The following CRYL1 variants were observed in gnomAD, a reference collection of about 807,000 sequenced individuals.
CRYL1 encodes lambda-crystallin homolog.
Under a neutral mutation model 36.6 loss-of-function variants are expected in CRYL1, and 29 were observed. The observed-to-expected ratio is 0.79, with a 90% CI of 0.59 to 1.08. CRYL1 has a LOEUF of 1.08. CRYL1 is among the 50% of genes least tolerant of loss of function. CRYL1 has a pLI of 0.00. For synonymous variants in CRYL1, 152 were observed against 151.5 expected (o/e 1.00, Z -0.02); for missense variants, 411 against 407.9 (o/e 1.01, Z -0.06).
chr13:20,425,309 G>C lies in CRYL1; in HGVS notation c.633+6793C>G, dbSNP rs2031908949. Among the ~76,000 whole-genome samples, 1 of 152,222 alleles carries C rather than the reference G, an allele frequency of 6.6e-6. No individual in the cohort carries two copies. Among genetic ancestry groups the C allele is most frequent in the African/African-American group, 2.4e-5 (1 of 41,452 alleles). On this transcript the variant is annotated intron_variant, in intron 5 of 7. Transcript: ENST00000298248. This position sits in a 1 kb window ranked among gnomAD's most constrained non-coding sequence, Gnocchi z 4.4. ...GCCTGTGAAACGATGATGGAGCCCA[G>C]TTCTGCTCCTCCTTGGAGTGCCCGC...
At chr13:20,465,380 C>A (rs11839580) in intron 3 of CRYL1, among the ~76,000 whole-genome samples, 3,100 of 152,254 alleles carry the variant, frequency 0.02, 104 homozygotes, top group African/African-American at 0.07. Context: ...AAACAAATAA[C>A]AAACTTTAAG....
At chr13:20,432,547 G>C (rs1348665547) in intron 4 of CRYL1, among the ~76,000 whole-genome samples, 3 of 152,116 alleles carry the variant, frequency 2.0e-5, no homozygotes, top group African/African-American at 7.2e-5. Flanking sequence ...TGGAGGAACA[G>C]CTTGCTATCC....
At chr13:20,408,215 C>G (rs1365025255) in intron 6 of CRYL1, among the ~76,000 whole-genome samples, 1 of 152,154 alleles carries the variant, frequency 6.6e-6, no homozygotes, top group East Asian at 1.9e-4. Context: ...CCGGGCCCCT[C>G]ACCTCACCTC....
At chr13:20,513,145 G>C (rs2033943625) in intron 1 of CRYL1, among the ~76,000 whole-genome samples, 1 of 152,168 alleles carries the variant, frequency 6.6e-6, no homozygotes, top group African/African-American at 2.4e-5. Context: ...CCACCCAGGA[G>C]CTCCTGAGCC....
intron 3 of CRYL1, among the ~76,000 whole-genome samples, chr13:20,446,025 A>T (rs1368947165): frequency 1.3e-5 from 2 of 152,250 alleles, no homozygotes; most frequent in Non-Finnish European, 2.9e-5. Context: ...TTTAAAGCTA[A>T]GCACAGTATA....
chr13:20,473,893 A>G (rs2033110903), intron 3 of CRYL1, among the ~76,000 whole-genome samples: 1 of 152,240 alleles, frequency 6.6e-6, no homozygotes, highest in South Asian at 2.1e-4. Flanking sequence ...TGAATCGGGT[A>G]TAAGTAACAG....
At chr13:20,464,706 A>AT (rs1404115479) in intron 3 of CRYL1, among the ~76,000 whole-genome samples, 1 of 152,116 alleles carries the variant, frequency 6.6e-6, no homozygotes, top group African/African-American at 2.4e-5. Context: ...GCCTTTTGGA[A>AT]TTTTTTTTAT....
At chr13:20,456,440 A>C (rs997143001) in intron 3 of CRYL1, among the ~76,000 whole-genome samples, 2 of 147,432 alleles carry the variant, frequency 1.4e-5, no homozygotes, top group African/African-American at 5.1e-5. Context: ...CCACCACTGC[A>C]CTCCATCCTG....
chr13:20,492,538 C>T (rs887895024), intron 2 of CRYL1, among the ~76,000 whole-genome samples: 4 of 152,130 alleles, frequency 2.6e-5, no homozygotes, highest in Middle Eastern at 3.2e-3. Context: ...TGCCTGCATC[C>T]GTGGCTCATG....
intron 4 of CRYL1, 146 bp from the exon 5 acceptor site, chr13:20,432,442 G>C: frequency 3.7e-6 from 2 of 547,142 alleles, no homozygotes; most frequent in South Asian, 3.3e-5. Context: ...ACTTGAGAAA[G>C]AAATTTATTC....
chr13:20,422,088 G>C (rs750276248), intron 5 of CRYL1, among the ~76,000 whole-genome samples: 1 of 152,114 alleles, frequency 6.6e-6, no homozygotes, highest in Non-Finnish European at 1.5e-5. Flanking sequence ...GCCAGGCGCG[G>C]TGGCTCACAC....
chr13:20,415,240 C>G lies in CRYL1; in HGVS notation c.634-1853G>C, dbSNP rs2031629490. Among the ~76,000 whole-genome samples the G allele has an allele frequency of 6.6e-6, 1 of 152,196 alleles. No homozygotes were observed. Among genetic ancestry groups the G allele is most frequent in the Non-Finnish European group, 1.5e-5 (1 of 68,014 alleles). On this transcript the variant is annotated intron_variant, in intron 5 of 7. Coordinates refer to ENST00000298248, the MANE Select transcript of CRYL1 (RefSeq NM_015974.3). The surrounding 1 kb of genome is among the most constrained non-coding windows in gnomAD (Gnocchi z 4.1). ...GGAGGGCTCTGCGGGGACCCTGGCA[C>G]AGCGGCCTGCAGGGAGGCACCCTCT...
Position 20,447,160 on chromosome 13 carries a change from A to C in CRYL1, c.277-7406T>G, listed in dbSNP as rs536383743. On this transcript the variant is annotated intron_variant, in intron 3 of 7. Transcript: ENST00000298248. ...CAATCCACTTAGGACTACTATCATA[A>C]ATTTCTTAAAGTTCAAATGTCCACA... Among the ~76,000 whole-genome samples the C allele has an allele frequency of 1.3e-4, 20 of 152,312 alleles. No individual in the cohort carries two copies. The South Asian group carries it at 3.3e-3, about 25-fold the overall frequency.
intron 5 of CRYL1, among the ~76,000 whole-genome samples, chr13:20,422,021 A>G (rs1377774181): frequency 6.6e-6 from 1 of 152,098 alleles, no homozygotes; most frequent in Non-Finnish European, 1.5e-5. Context: ...AAATAATGGT[A>G]TAAAAATAGT....
In CRYL1 at chr13:20,481,242, G is replaced by A. The variant is rs1421052294; in HGVS notation, c.276+8128C>T. 6.6e-6 allele frequency among the ~76,000 whole-genome samples: 1 copy of A among 152,196 alleles called. No homozygotes were observed. The highest frequency in any genetic ancestry group is 2.4e-5 in the African/African-American group (1 of 41,440). On this transcript the variant is annotated intron_variant, in intron 3 of 7. Coordinates refer to ENST00000298248, the MANE Select transcript of CRYL1 (RefSeq NM_015974.3). This position sits in a 1 kb window ranked among gnomAD's most constrained non-coding sequence, Gnocchi z 4.1. ...TCCATCCAGAGTCCCACGCACCTTA[G>A]TAATGTCATACCACTCAGCAACAAA...
At chr13:20,514,224 C>T (rs1347420668) in intron 1 of CRYL1, among the ~76,000 whole-genome samples, 2 of 152,218 alleles carry the variant, frequency 1.3e-5, no homozygotes, top group African/African-American at 4.8e-5. Flanking sequence ...AGGGTCACCA[C>T]GCAGTGGAGA....
chr13:20,452,820 GA>G (rs969033403), intron 3 of CRYL1, among the ~76,000 whole-genome samples: 1 of 152,150 alleles, frequency 6.6e-6, no homozygotes, highest in African/African-American at 2.4e-5. Flanking sequence ...GGCTTTATGG[GA>G]AATCTCTGTC....
At chr13:20,434,907 C>A (rs2032174403) in intron 4 of CRYL1, among the ~76,000 whole-genome samples, 1 of 151,780 alleles carries the variant, frequency 6.6e-6, no homozygotes, top group Non-Finnish European at 1.5e-5. Flanking sequence ...GCTCAGGGCC[C>A]CCGTTTCCAT....
intron 3 of CRYL1, among the ~76,000 whole-genome samples, chr13:20,483,803 T>C (rs974519213): frequency 1.3e-5 from 2 of 151,942 alleles, no homozygotes; most frequent in South Asian, 4.1e-4. Flanking sequence ...GGCCTCCCCA[T>C]GTTCTGGGAT....
Sources: gnomAD v4.1 joint callset for allele counts (sites outside exome capture counted in the v4.1 genomes callset) on GRCh38, gnomAD v4.1.1 for gene constraint, Gnocchi (gnomAD v3.1) non-coding constraint, MANE v1.5 for transcripts, NCBI Gene and HGNC (gene_info 2026-07-23, HGNC 2026-07-21) for gene names.